Variants in CWC27 observed in about 807,000 individuals in gnomAD.
The protein encoded by CWC27 is spliceosome-associated protein CWC27 homolog.
CWC27 carries 47 observed loss-of-function variants against 63.6 expected under a neutral mutation model. The observed-to-expected ratio is 0.74, with a 90% CI of 0.58 to 0.94. The LOEUF is 0.94. Ranked by LOEUF, CWC27 falls within the 40% of genes least tolerant of loss-of-function variation. The pLI is 0.00. For synonymous variants in CWC27, 175 were observed against 179.8 expected (o/e 0.97, Z 0.22); for missense variants, 495 against 554.3 (o/e 0.89, Z 1.07).
At position 64,808,398 on chromosome 5, in the gene CWC27, G is replaced by A. The variant is rs189374449; in HGVS notation, c.938+4012G>A. On this transcript the variant is annotated intron_variant, in intron 10 of 13. Transcript: ENST00000381070. ...CCCTTTTCACACTCCTGTAATATTA[G>A]GTTACATATACATTTTTTCTTCTTT... is the stretch of plus-strand genomic sequence containing the variant. The A allele has an allele frequency of 6.1e-4, 561 of 921,460 alleles. 5 individuals carry two copies. The African/African-American group carries it at 9.6e-3, about 16-fold the overall frequency. 57.1% of individuals were successfully genotyped at this position (921,460 alleles called of 1,614,324 possible).
At chr5:64,826,132 A>G (rs563458037) in intron 10 of CWC27, among the ~76,000 whole-genome samples, 4 of 142,804 alleles carry the variant, frequency 2.8e-5, no homozygotes, top group African/African-American at 1.0e-4. Context: ...TCAATTATCT[A>G]TTTATCTGTC....
rs150642131 is a variant in CWC27 at position 64,977,218 on chromosome 5, A to T, written c.1236A>T (p.Glu412Asp). Residue 412 changes from glutamate to aspartate, a missense_variant, in exon 13 of 14, where the codon GAA becomes GAT. Physicochemically the swap from Glu to Asp is conservative, Grantham distance 45. Transcript: ENST00000381070. ...CTGAAAATGACATTCCTGAAACAGA[A>T]GTAGAAGATGATGAAGGATGGTAAG... ...ETPENDIPET[E>D]VEDDEGWMSH... The T allele has an allele frequency of 9.1e-5, 147 of 1,610,426 alleles. No individual in the cohort carries two copies. Among genetic ancestry groups the T allele is most frequent in the Non-Finnish European group, 1.2e-4 (137 of 1,177,388 alleles).
chr5:64,958,707 G>T (rs947974564), intron 11 of CWC27, among the ~76,000 whole-genome samples: 5 of 152,046 alleles, frequency 3.3e-5, no homozygotes, highest in Admixed American at 6.6e-5. Flanking sequence ...TTTGTAACCT[G>T]CACATTTCTC....
intron 11 of CWC27, among the ~76,000 whole-genome samples, chr5:64,903,891 A>G (rs145553711): frequency 1.1e-4 from 17 of 152,270 alleles, no homozygotes; most frequent in African/African-American, 4.1e-4. Flanking sequence ...TCCACATTGT[A>G]TCAAGTATCA....
intron 13 of CWC27, among the ~76,000 whole-genome samples, chr5:65,016,799 T>A (rs1371257269): frequency 6.6e-6 from 1 of 152,194 alleles, no homozygotes; most frequent in African/African-American, 2.4e-5. Context: ...TCATTTGTGC[T>A]GCTGTAGAGA....
intron 10 of CWC27, among the ~76,000 whole-genome samples, chr5:64,833,099 C>G (rs563237874): frequency 3.3e-5 from 5 of 151,888 alleles, no homozygotes; most frequent in Admixed American, 3.3e-4. Context: ...ATATGTAAAG[C>G]TCTTAGAACA....
intron 13 of CWC27, among the ~76,000 whole-genome samples, chr5:65,000,253 A>G (rs1178844767): frequency 6.6e-6 from 1 of 152,076 alleles, no homozygotes; most frequent in East Asian, 1.9e-4. Context: ...CTGGGTGAAT[A>G]GTTCATAAAT....
intron 13 of CWC27, among the ~76,000 whole-genome samples, chr5:65,004,718 T>C (rs976000235): frequency 4.4e-4 from 67 of 150,850 alleles, no homozygotes; most frequent in African/African-American, 1.5e-3. Context: ...TATCTGTTAC[T>C]GGAGAATTAT....
chr5:64,856,578 T>C (rs1746265920), intron 10 of CWC27, among the ~76,000 whole-genome samples: 1 of 152,086 alleles, frequency 6.6e-6, no homozygotes, highest in Non-Finnish European at 1.5e-5. Flanking sequence ...GGTGACATTT[T>C]GGAATAAGAA....
chr5:64,848,293 C>T (rs1364489352), intron 10 of CWC27, among the ~76,000 whole-genome samples: 1 of 152,066 alleles, frequency 6.6e-6, no homozygotes. Context: ...CATATACCAC[C>T]TACCAAGAAG....
In CWC27 at chr5:64,769,178, C is replaced by T. The variant is rs529010023; in HGVS notation, c.32C>T (p.Thr11Met). Residue 11 changes from threonine (T) to methionine (M), a missense_variant, in exon 1 of 14, where the codon ACG becomes ATG. Thr to Met is a moderately conservative substitution (Grantham distance 81, BLOSUM62 -1). Transcript: ENST00000381070. MSNIYIQEPP[T>M]NGKVLLKTTA... ...AACATCTACATCCAGGAGCCTCCCA[C>T]GAATGGGAAGGTGAGAGCCTCATCT... The T allele has an allele frequency of 1.2e-6, 2 of 1,614,040 alleles. No individual in the cohort carries two copies. The highest frequency in any genetic ancestry group is 1.7e-6 in the Non-Finnish European group (2 of 1,179,952).
chr5:64,892,043 C>T (rs1251471448), intron 11 of CWC27, among the ~76,000 whole-genome samples: 1 of 152,150 alleles, frequency 6.6e-6, no homozygotes. Context: ...GATCCGGCTG[C>T]CTCAGCCTCC....
intron 2 of CWC27, among the ~76,000 whole-genome samples, chr5:64,776,106 A>T (rs1743439089): frequency 6.7e-5 from 8 of 119,124 alleles, no homozygotes; most frequent in East Asian, 3.1e-4. Context: ...AGAGAGAGAG[A>T]GAGAGAGAGA....
chr5:64,964,833 C>T (rs1254207534), intron 11 of CWC27, among the ~76,000 whole-genome samples: 1 of 152,062 alleles, frequency 6.6e-6, no homozygotes, highest in Non-Finnish European at 1.5e-5. Flanking sequence ...CTTGTTAGTC[C>T]ACCTATAGTT....
At chr5:64,782,469 A>AATAAATAAATAAATAAATAC (rs879391987) in intron 3 of CWC27, among the ~76,000 whole-genome samples, 7 of 151,584 alleles carry the variant, frequency 4.6e-5, no homozygotes, top group South Asian at 2.1e-4. Flanking sequence ...TAAATAAATA[A>AATAAATAAATAAATAAATAC]ATAAATAAAT....
chr5:64,958,951 T>C (rs1286447226), intron 11 of CWC27, among the ~76,000 whole-genome samples: 1 of 152,142 alleles, frequency 6.6e-6, no homozygotes, highest in African/African-American at 2.4e-5. Context: ...CACTTTTAAC[T>C]AATTTTCATG....
At chr5:64,962,691 GA>G (rs1359306638) in intron 11 of CWC27, among the ~76,000 whole-genome samples, 1 of 152,198 alleles carries the variant, frequency 6.6e-6, no homozygotes, top group Admixed American at 6.5e-5. Flanking sequence ...AAAATAATGG[GA>G]AAAAATGGCT....
intron 7 of CWC27, among the ~76,000 whole-genome samples, chr5:64,796,686 G>T (rs550123779): frequency 6.6e-6 from 1 of 152,038 alleles, no homozygotes; most frequent in Non-Finnish European, 1.5e-5. Flanking sequence ...CACAGAGTTA[G>T]AGATTGAGCC....
rs1214735628 is a variant in CWC27 at position 64,888,331 on chromosome 5, CTATA to C, written c.1042+2790_1042+2793del. On this transcript the variant is annotated intron_variant, in intron 11 of 13. Coordinates refer to ENST00000381070, the MANE Select transcript of CWC27 (RefSeq NM_005869.4). ...TATATAATATAGTTAATATAATTAA[CTATA>C]TATAGTATAATAAATAATATAAAGT... is the stretch of plus-strand genomic sequence containing the variant. Among the ~76,000 whole-genome samples the C allele has an allele frequency of 6.9e-5, 10 of 144,534 alleles. No homozygotes were observed. In the East Asian group the frequency reaches 1.8e-3, roughly 26 times the overall value. 94.8% of individuals were successfully genotyped at this position (144,534 alleles called of 152,430 possible).
Sources: gnomAD v4.1 joint callset for allele counts (sites outside exome capture counted in the v4.1 genomes callset) on GRCh38, gnomAD v4.1.1 for gene constraint, MANE v1.5 for transcripts, NCBI Gene and HGNC (gene_info 2026-07-23, HGNC 2026-07-21) for gene names.